The following COMMD9 variants were observed in gnomAD, a reference collection of about 807,000 sequenced individuals.
The protein encoded by COMMD9 is COMM domain-containing protein 9.
COMMD9 carries 22 observed loss-of-function variants against 23.4 expected under a neutral mutation model. The ratio of observed to expected loss-of-function variants is 0.94; its 90% CI spans 0.67 to 1.34. The LOEUF (loss-of-function observed/expected upper bound fraction) is 1.34. COMMD9 is among the 40% of genes most tolerant of loss of function. The pLI is 0.00. For synonymous variants in COMMD9, 99 were observed against 97.4 expected, an observed-to-expected ratio of 1.02 and a Z score of -0.10; for missense variants, 231 against 240.2, an observed-to-expected ratio of 0.96 and a Z score of 0.25.
At chr11:36,288,488 T>C (rs1259516149) in intron 1 of COMMD9, among the ~76,000 whole-genome samples, 1 of 152,076 alleles carries the variant, frequency 6.6e-6, no homozygotes, top group Non-Finnish European at 1.5e-5. Context: ...CTGCCCTTTC[T>C]CCTACAGGGC....
At chr11:36,286,824 A>G (rs1856166633) in intron 1 of COMMD9, among the ~76,000 whole-genome samples, 2 of 152,332 alleles carry the variant, frequency 1.3e-5, no homozygotes, top group Non-Finnish European at 2.9e-5. Flanking sequence ...TACTTACTGT[A>G]TTATTCCATT....
rs912526795 is a variant in COMMD9, at chr11:36,274,525, C to T, written c.*107G>A. On this transcript the variant is annotated 3_prime_UTR_variant, in exon 6 of 6. Transcript: ENST00000263401. ...GGCAGTAGCCCCCTGCTGTCCCCACCATCCTGCCTGTTGTCAGCTGCAGCT... is the reference window on the plus strand; with the variant it reads ...GGCAGTAGCCCCCTGCTGTCCCCACTATCCTGCCTGTTGTCAGCTGCAGCT... 2.8e-6 allele frequency: 4 copies of T among 1,425,404 alleles called. No individual in the cohort carries two copies. In the South Asian group the frequency reaches 3.7e-5, roughly 13 times the overall value. 88.3% of individuals were successfully genotyped at this position (1,425,404 alleles called of 1,614,324 possible).
rs1388839010 is a variant in COMMD9 at position 36,274,037 on chromosome 11, G to A, written c.*595C>T. 3.8e-6 allele frequency: 1 copy of A among 261,578 alleles called. No homozygotes were observed. The highest frequency in any genetic ancestry group is 8.7e-5 in the East Asian group (1 of 11,434). The allele number at this position is 261,578 out of a possible 1,614,324, so 16.2% of individuals were successfully genotyped here. On this transcript the variant is annotated 3_prime_UTR_variant, in exon 6 of 6. Coordinates refer to ENST00000263401, the MANE Select transcript of COMMD9 (RefSeq NM_014186.4). ...AGTGGCTGCATTAGATGAAGGAAGA[G>A]GGCCCTGGTTTCATGAAGAAGGGAA...
At chr11:36,287,104 CGCGT>C (rs1210929274) in intron 1 of COMMD9, among the ~76,000 whole-genome samples, 1 of 122,868 alleles carries the variant, frequency 8.1e-6, no homozygotes, top group Non-Finnish European at 1.8e-5. Context: ...CTATGTATAT[CGCGT>C]AGTATGTATA....
In COMMD9 at chr11:36,274,746, T is replaced by C. The variant is rs1855941671; in HGVS notation, c.483A>G (p.Gly161=). The C allele has an allele frequency of 1.2e-6, 2 of 1,614,130 alleles. No individual in the cohort carries two copies. The highest frequency in any genetic ancestry group is 1.7e-6 in the Non-Finnish European group (2 of 1,180,044). ...TGACAGCTGAGATGGAGGGTTTGTC[T>C]CCGCATAGGCTGGGATCTTCTTGGA... ...MKIQEDPSLC[G]DKPSISAVTV... Residue 161 remains glycine, a synonymous_variant, in exon 6 of 6, where the codon GGA becomes GGG. Transcript: ENST00000263401.
intron 1 of COMMD9, among the ~76,000 whole-genome samples, chr11:36,282,909 T>G (rs1281741352): frequency 1.3e-5 from 2 of 152,178 alleles, no homozygotes; most frequent in African/African-American, 2.4e-5. Flanking sequence ...AGCCCCTAGC[T>G]TGAGGCCAAA....
At chr11:36,281,445 G>GAA (rs1457449745) in intron 1 of COMMD9, among the ~76,000 whole-genome samples, 1 of 152,190 alleles carries the variant, frequency 6.6e-6, no homozygotes, top group Non-Finnish European at 1.5e-5. Context: ...GGAGGTGTCA[G>GAA]AGAAGGCCAA....
intron 1 of COMMD9, among the ~76,000 whole-genome samples, chr11:36,286,102 AT>A (rs1180986072): frequency 1.3e-5 from 2 of 152,236 alleles, no homozygotes; most frequent in Non-Finnish European, 2.9e-5. Flanking sequence ...AACTGTCTCT[AT>A]TTGTAAATAA....
Position 36,273,089 on chromosome 11 carries a change from C to G in COMMD9, c.*1543G>C, listed in dbSNP as rs981851966. 1 of 152,164 alleles carries G rather than the reference C, an allele frequency of 6.6e-6. No homozygotes were observed. Among genetic ancestry groups the G allele is most frequent in the Admixed American group, 6.5e-5 (1 of 15,278 alleles). The allele number at this position is 152,164 out of a possible 1,614,324, so 9.4% of individuals were successfully genotyped here. A position where few individuals can be genotyped will look rare whatever the true frequency, so the allele number is the denominator to read the frequency against. On this transcript the variant is annotated 3_prime_UTR_variant, in exon 6 of 6. Transcript: ENST00000263401. ...TCACAAAAGTCCTATCAAGTAGGTACTACTATTATACTCATTTAATTTAGG... is the reference window on the plus strand; with the variant it reads ...TCACAAAAGTCCTATCAAGTAGGTAGTACTATTATACTCATTTAATTTAGG...
chr11:36,278,996 C>A (rs1856021774), intron 2 of COMMD9, among the ~76,000 whole-genome samples: 1 of 152,200 alleles, frequency 6.6e-6, no homozygotes, highest in African/African-American at 2.4e-5. Flanking sequence ...TGTTACTAAG[C>A]AACACTGCAT....
At chr11:36,283,574 T>C (rs965762427) in intron 1 of COMMD9, among the ~76,000 whole-genome samples, 1 of 152,116 alleles carries the variant, frequency 6.6e-6, no homozygotes, top group African/African-American at 2.4e-5. Context: ...AGAAATGCAC[T>C]TTAAAACATT....
chr11:36,284,324 C>T (rs1856116370), intron 1 of COMMD9, among the ~76,000 whole-genome samples: 1 of 152,116 alleles, frequency 6.6e-6, no homozygotes, highest in African/African-American at 2.4e-5. Flanking sequence ...AAGATTTTAT[C>T]CACCAGGAAG....
At chr11:36,284,657 G>C (rs1366729531) in intron 1 of COMMD9, among the ~76,000 whole-genome samples, 1 of 152,196 alleles carries the variant, frequency 6.6e-6, no homozygotes, top group Admixed American at 6.5e-5. Flanking sequence ...CAAAAGAAGT[G>C]AAGTAATGAA....
chr11:36,277,204 T>G lies in COMMD9; in HGVS notation c.318-81A>C, dbSNP rs1238068810. ...TTCTGATAGAGAGGGGAACTGGCCC[T>G]TCCTGTGATCTTCAGACCTGTCATC... is the stretch of plus-strand genomic sequence containing the variant. On this transcript the variant is annotated intron_variant, in intron 3 of 5. Coordinates refer to ENST00000263401, the MANE Select transcript of COMMD9 (RefSeq NM_014186.4). The G allele has an allele frequency of 2.9e-6, 3 of 1,042,608 alleles. No individual in the cohort carries two copies. In the South Asian group the frequency reaches 5.4e-5, roughly 19 times the overall value. 64.6% of individuals were successfully genotyped at this position (1,042,608 alleles called of 1,614,324 possible).
Position 36,280,700 on chromosome 11 carries a change from G to T in COMMD9, c.177+12C>A. 6.3e-7 allele frequency: 1 copy of T among 1,582,268 alleles called. No individual in the cohort carries two copies. The highest frequency in any genetic ancestry group is 1.2e-5 in the South Asian group (1 of 86,280). ...GGGCCAGTGGCCAAAGATCATTTCTGACCACACTTACTTCCTCTGCCTCCT... is the reference window on the plus strand; with the variant it reads ...GGGCCAGTGGCCAAAGATCATTTCTTACCACACTTACTTCCTCTGCCTCCT... On this transcript the variant is annotated intron_variant, in intron 2 of 5. Coordinates refer to ENST00000263401, the MANE Select transcript of COMMD9 (RefSeq NM_014186.4).
At position 36,278,509 on chromosome 11, in the gene COMMD9, T is replaced by G. The variant is rs531275628; in HGVS notation, c.285A>C (p.Lys95Asn). 2 of 1,614,074 alleles carry G rather than the reference T, an allele frequency of 1.2e-6. No individual in the cohort carries two copies. Among genetic ancestry groups the G allele is most frequent in the Admixed American group, 3.3e-5 (2 of 60,028 alleles). ...LFPENFHQNLKNLLTKIILEH... is the reference protein window; with the variant it reads ...LFPENFHQNLNNLLTKIILEH... ...CTAGGATGATCTTTGTCAGCAGGTT[T>G]TTGAGGTTTTGGTGGAAATTTTCTG... is the stretch of plus-strand genomic sequence containing the variant. The change falls in exon 3 of 6, where the codon AAA (lysine) becomes AAC (asparagine). Residue 95 changes from lysine to asparagine, a missense_variant. Lys to Asn is a moderately conservative substitution (Grantham distance 94, BLOSUM62 0). Transcript: ENST00000263401.
At chr11:36,289,333 C>T in intron 1 of COMMD9, 29 bp downstream of exon 1, 1 of 1,548,488 alleles carries the variant, frequency 6.5e-7, no homozygotes, top group Admixed American at 2.0e-5. Flanking sequence ...AAAGGGCCAC[C>T]TCACGCTGTC....
chr11:36,279,884 T>C (rs897040242), intron 2 of COMMD9, among the ~76,000 whole-genome samples: 5 of 152,152 alleles, frequency 3.3e-5, no homozygotes, highest in African/African-American at 4.8e-5. Flanking sequence ...GGTGGGTGGA[T>C]TGCTTGAGCT....
rs1386096872 is a variant in COMMD9 at position 36,274,289 on chromosome 11, C to A, written c.*343G>T. On this transcript the variant is annotated 3_prime_UTR_variant, in exon 6 of 6. Coordinates refer to ENST00000263401, the MANE Select transcript of COMMD9 (RefSeq NM_014186.4). Reference sequence around the variant, plus strand: ...ATAAACTTACTTATTGGATAGGCTGCATGATTTGGGCCTGAATTTCTCAAA... The same window carrying A: ...ATAAACTTACTTATTGGATAGGCTGAATGATTTGGGCCTGAATTTCTCAAA... 1.5e-5 allele frequency: 8 copies of A among 526,144 alleles called. No homozygotes were observed. Among genetic ancestry groups the A allele is most frequent in the African/African-American group, 1.3e-4 (7 of 52,834 alleles). The allele number at this position is 526,144 out of a possible 1,614,324, so 32.6% of individuals were successfully genotyped here.
Sources: gnomAD v4.1 joint callset for allele counts (sites outside exome capture counted in the v4.1 genomes callset) on GRCh38, gnomAD v4.1.1 for gene constraint, MANE v1.5 for transcripts, NCBI Gene and HGNC (gene_info 2026-07-23, HGNC 2026-07-21) for gene names.